Variants in CD5 observed in about 807,000 individuals in gnomAD.
The protein encoded by CD5 is T-cell surface glycoprotein CD5.
In CD5, 36 loss-of-function variants were observed where a neutral mutation model predicts 60.3. That is an observed-to-expected ratio of 0.60 (90% CI 0.46 to 0.79). CD5 has a LOEUF of 0.79. CD5 is among the 30% of genes least tolerant of loss of function. CD5 has a pLI of 0.00. For synonymous variants in CD5, 230 were observed against 257.6 expected (o/e 0.89, Z 1.03); for missense variants, 540 against 630.6 (o/e 0.86, Z 1.54).
chr11:61,094,260 G>A, the CD5 span, among the ~76,000 whole-genome samples: 273 of 152,152 alleles, frequency 1.8e-3, 1 homozygote, highest in African/African-American at 6.2e-3. Context: ...GAGGATCAAC[G>A]CAGTGGCTGA....
upstream of CD5, among the ~76,000 whole-genome samples, chr11:61,101,635 TCACA>T (rs762160362): frequency 3.0e-5 from 4 of 134,660 alleles, no homozygotes; most frequent in Admixed American, 7.5e-5. Flanking sequence ...AACATGGAGA[TCACA>T]CACACACATC....
intron 2 of CD5, among the ~76,000 whole-genome samples, chr11:61,116,665 AC>A: frequency 7.2e-6 from 1 of 139,788 alleles, no homozygotes; most frequent in Non-Finnish European, 1.5e-5. Flanking sequence ...CACCACACAC[AC>A]CACACACACA....
chr11:61,124,021 G>GGCTCCGTCTGTGGTC, intron 8 of CD5, 84 bp downstream of exon 8: 3 of 1,103,396 alleles, frequency 2.7e-6, no homozygotes, highest in Non-Finnish European at 4.1e-6. Context: ...GCTGACCACA[G>GGCTCCGTCTGTGGTC]ACGGAGCCTG....
At chr11:61,095,347 A>C in the CD5 span, among the ~76,000 whole-genome samples, 2 of 152,190 alleles carry the variant, frequency 1.3e-5, no homozygotes, top group Non-Finnish European at 2.9e-5. Context: ...GTAGATGAGG[A>C]CGGACACATG....
chr11:61,125,489 G>A lies in CD5; in HGVS notation c.1400-262G>A, dbSNP rs1464925255. Reference sequence around the variant, plus strand: ...TAAATGAGGCCCCTTGGATTCCTCCGGGCTAGAAGAGAGCCATTAAGTGGG... The same window carrying A: ...TAAATGAGGCCCCTTGGATTCCTCCAGGCTAGAAGAGAGCCATTAAGTGGG... On this transcript the variant is annotated intron_variant, in intron 9 of 10. Transcript: ENST00000347785. 2.0e-5 allele frequency among the ~76,000 whole-genome samples: 3 copies of A among 152,188 alleles called. No homozygotes were observed. The highest frequency in any genetic ancestry group is 4.4e-5 in the Non-Finnish European group (3 of 68,032).
chr11:61,105,044 C>A (rs1407979859), intron 1 of CD5, among the ~76,000 whole-genome samples: 1 of 152,216 alleles, frequency 6.6e-6, no homozygotes, highest in East Asian at 1.9e-4. Flanking sequence ...ACCCTTTGAG[C>A]CATTCCAAGG....
chr11:61,121,970 G>T (rs1379362610), intron 6 of CD5, 66 bp downstream of exon 6: 2 of 1,399,062 alleles, frequency 1.4e-6, no homozygotes, highest in Non-Finnish European at 1.9e-6. Flanking sequence ...CCCGGTCAGG[G>T]TGCATGTCTC....
At chr11:61,124,409 G>A (rs1172338805) in intron 8 of CD5, among the ~76,000 whole-genome samples, 1 of 152,152 alleles carries the variant, frequency 6.6e-6, no homozygotes, top group Non-Finnish European at 1.5e-5. Flanking sequence ...CATCTCCAAA[G>A]CAAGGATCCA....
chr11:61,118,248 G>C lies in CD5; in HGVS notation c.168G>C (p.Trp56Cys). 1 of 1,614,244 alleles carries C rather than the reference G, an allele frequency of 6.2e-7. No individual in the cohort carries two copies. The highest frequency in any genetic ancestry group is 8.5e-7 in the Non-Finnish European group (1 of 1,180,036). Residue 56 changes from tryptophan to cysteine, a missense_variant, in exon 3 of 11, where the codon TGG becomes TGC. By Grantham distance (215) the Trp-to-Cys change is radical (BLOSUM62 -2). Transcript: ENST00000347785. The surrounding 1 kb of genome is among the most constrained non-coding windows in gnomAD (Gnocchi z 4.7). The stretch of plus-strand genomic sequence containing the variant: ...TGGAGGTCTACCTCAAGGACGGATG[G>C]CACATGGTTTGCAGCCAGAGCTGGG... ...GQLEVYLKDG[W>C]HMVCSQSWGR... is the part of the protein sequence containing the mutation.
At chr11:61,109,266 T>C (rs1294166422) in intron 1 of CD5, among the ~76,000 whole-genome samples, 1 of 152,232 alleles carries the variant, frequency 6.6e-6, no homozygotes, top group Non-Finnish European at 1.5e-5. Flanking sequence ...CTATTTATAA[T>C]CTTGACACAT....
chr11:61,114,422 G>A (rs949150017), intron 1 of CD5, among the ~76,000 whole-genome samples: 2 of 151,894 alleles, frequency 1.3e-5, no homozygotes, highest in African/African-American at 4.9e-5. Flanking sequence ...AACATAGTGA[G>A]ACCCCATCTC....
chr11:61,114,188 T>C (rs1860901450), intron 1 of CD5, among the ~76,000 whole-genome samples: 1 of 152,004 alleles, frequency 6.6e-6, no homozygotes, highest in African/African-American at 2.4e-5. Context: ...CATAGCTCAC[T>C]GCAGGGTCCA....
chr11:61,102,110 C>T (rs1039738588), upstream of CD5, among the ~76,000 whole-genome samples: 2 of 152,224 alleles, frequency 1.3e-5, no homozygotes, highest in Non-Finnish European at 2.9e-5. Context: ...CAAGAACTGG[C>T]ATCATGCTGC....
intron 1 of CD5, among the ~76,000 whole-genome samples, chr11:61,106,610 C>A (rs951344544): frequency 7.9e-5 from 12 of 152,156 alleles, no homozygotes; most frequent in African/African-American, 2.9e-4. Flanking sequence ...CTGCAGTGAC[C>A]AGGCGGCGAA....
chr11:61,112,571 G>A (rs2134599401), intron 1 of CD5, among the ~76,000 whole-genome samples: 1 of 152,168 alleles, frequency 6.6e-6, no homozygotes, highest in South Asian at 2.1e-4. Context: ...TTGAACCAGG[G>A]AGGCAGTGGT....
At chr11:61,115,395 T>C (rs1015046477) in intron 2 of CD5, among the ~76,000 whole-genome samples, 2 of 152,150 alleles carry the variant, frequency 1.3e-5, no homozygotes, top group African/African-American at 4.8e-5. Flanking sequence ...AAATGTACCT[T>C]GCAAAGTCTT....
At chr11:61,115,354 C>A (rs1860922819) in intron 2 of CD5, among the ~76,000 whole-genome samples, 1 of 152,192 alleles carries the variant, frequency 6.6e-6, no homozygotes, top group African/African-American at 2.4e-5. Context: ...TTATGACCCG[C>A]TCACCATGCA....
chr11:61,116,240 T>C (rs1351860676), intron 2 of CD5, among the ~76,000 whole-genome samples: 1 of 152,054 alleles, frequency 6.6e-6, no homozygotes, highest in Non-Finnish European at 1.5e-5. Flanking sequence ...TATAAAAAGA[T>C]CTGTAGTGAA....
At chr11:61,096,757 T>C in the CD5 span, among the ~76,000 whole-genome samples, 1 of 152,136 alleles carries the variant, frequency 6.6e-6, no homozygotes, top group East Asian at 1.9e-4. Context: ...GGCCAAGAGA[T>C]AAAACCAGCT....
Sources: gnomAD v4.1 joint callset for allele counts (sites outside exome capture counted in the v4.1 genomes callset) on GRCh38, gnomAD v4.1.1 for gene constraint, Gnocchi (gnomAD v3.1) non-coding constraint, MANE v1.5 for transcripts, NCBI Gene and HGNC (gene_info 2026-07-23, HGNC 2026-07-21) for gene names.